The following TAF15 variants were observed in gnomAD, a reference collection of about 807,000 sequenced individuals.
The protein encoded by TAF15 is TATA-box binding protein associated factor 15.
TAF15 carries 37 observed loss-of-function variants against 102.5 expected under a neutral mutation model. The observed-to-expected ratio is 0.36, with a 90% confidence interval of 0.28 to 0.47. The LOEUF (loss-of-function observed/expected upper bound fraction) is 0.47, where lower values mean the gene tolerates loss of function less well. Ranked by LOEUF, TAF15 falls within the 20% of genes least tolerant of loss-of-function variation. TAF15 has a pLI of 0.99. For missense variants in TAF15, 652 were observed against 760.7 expected, an observed-to-expected ratio of 0.86 and a Z score of 1.68; for synonymous variants, 273 against 259.2, an observed-to-expected ratio of 1.05 and a Z score of -0.51.
intron 5 of TAF15, 144 bp from the exon 6 acceptor site, chr17:35,822,496 A>C (rs2087273377): frequency 1.4e-6 from 1 of 708,586 alleles, no homozygotes. Flanking sequence ...AGGAGACTGC[A>C]GATAACTAAT....
rs1348080121 is a variant in TAF15, at chr17:35,838,559, C to T, written c.913+6C>T. ...AGCCATTGACTGGTTTGATGGTATG[C>T]CTCATTCGTATAGTTTTCAGCATGA... is the stretch of plus-strand genomic sequence containing the variant. On this transcript the variant is annotated splice_donor_region_variant and intron_variant, in intron 11 of 15. Transcript: ENST00000605844. 1.2e-6 allele frequency: 2 copies of T among 1,613,966 alleles called. No individual in the cohort carries two copies. The highest frequency in any genetic ancestry group is 1.7e-6 in the Non-Finnish European group (2 of 1,180,010).
chr17:35,820,637 A>G (rs1200483172), intron 5 of TAF15, among the ~76,000 whole-genome samples, 200 bp downstream of exon 5: 1 of 152,104 alleles, frequency 6.6e-6, no homozygotes, highest in East Asian at 1.9e-4. Flanking sequence ...GTATTTGTGA[A>G]ATCATTGTTT....
chr17:35,837,398 TCCCACCTCAGCC>T (rs1355155508), intron 10 of TAF15, among the ~76,000 whole-genome samples: 8 of 150,484 alleles, frequency 5.3e-5, no homozygotes, highest in African/African-American at 2.0e-4. Flanking sequence ...CAAGTGATCC[TCCCACCTCAGCC>T]TCCCACCAAG....
At chr17:35,834,005 A>G (rs1370036957) in intron 8 of TAF15, 64 bp downstream of exon 8, 4 of 1,563,980 alleles carry the variant, frequency 2.6e-6, no homozygotes, top group Non-Finnish European at 3.5e-6. Context: ...AGCCACCAAT[A>G]TCCCGCAGAT....
intron 6 of TAF15, 119 bp downstream of exon 6, chr17:35,822,952 A>G: frequency 8.2e-7 from 1 of 1,218,972 alleles, no homozygotes. Context: ...GTAACCTTGA[A>G]GATATGTTCC....
At chr17:35,846,467 T>C (rs952384046) in intron 15 of TAF15, among the ~76,000 whole-genome samples, 7 of 152,232 alleles carry the variant, frequency 4.6e-5, no homozygotes, top group Admixed American at 3.9e-4. Flanking sequence ...TTCTAGTCCT[T>C]CTGTCATTCC....
chr17:35,835,738 A>T (rs1158443146), intron 9 of TAF15, among the ~76,000 whole-genome samples: 1 of 152,258 alleles, frequency 6.6e-6, no homozygotes, highest in African/African-American at 2.4e-5. Context: ...GATTTGGAGA[A>T]TTTTGTACTA....
chr17:35,842,260 A>T, intron 11 of TAF15, 107 bp from the exon 12 acceptor site: 1 of 789,878 alleles, frequency 1.3e-6, no homozygotes, highest in East Asian at 2.7e-5. Flanking sequence ...CTGTGAGGAC[A>T]TGTCAGTTAC....
At chr17:35,821,010 A>G (rs2087251682) in intron 5 of TAF15, among the ~76,000 whole-genome samples, 1 of 152,176 alleles carries the variant, frequency 6.6e-6, no homozygotes. Context: ...TGTGCTTTAC[A>G]TTCTGTGAAA....
chr17:35,815,555 A>G (rs1401773159), intron 1 of TAF15, among the ~76,000 whole-genome samples: 3 of 152,212 alleles, frequency 2.0e-5, no homozygotes, highest in African/African-American at 7.2e-5. Flanking sequence ...TACAGGACCT[A>G]TGTGCTGTAC....
chr17:35,826,148 T>C (rs2087322802), intron 7 of TAF15, among the ~76,000 whole-genome samples: 3 of 152,304 alleles, frequency 2.0e-5, no homozygotes, highest in South Asian at 4.1e-4. Flanking sequence ...TACTGACTTA[T>C]AAACTAAATT....
At chr17:35,813,632 T>TC (rs56678256) in intron 1 of TAF15, among the ~76,000 whole-genome samples, 4,075 of 108,214 alleles carry the variant, frequency 0.038, 118 homozygotes, top group Admixed American at 0.074. Flanking sequence ...CGAGACCCTG[T>TC]CCCCCCCCCC....
At chr17:35,834,033 CT>C in intron 8 of TAF15, 92 bp downstream of exon 8, 1 of 1,378,316 alleles carries the variant, frequency 7.3e-7, no homozygotes, top group Non-Finnish European at 1.0e-6. Context: ...AAAGTCCTTT[CT>C]TACTCTGTTG....
At chr17:35,845,306 G>T (rs926239647) in intron 15 of TAF15, among the ~76,000 whole-genome samples, 6 of 152,092 alleles carry the variant, frequency 3.9e-5, no homozygotes, top group African/African-American at 1.4e-4. Context: ...CCAGGCTAGA[G>T]TGCAGTGGTA....
intron 7 of TAF15, among the ~76,000 whole-genome samples, chr17:35,827,839 C>A (rs1330837617): frequency 6.6e-6 from 1 of 152,120 alleles, no homozygotes; most frequent in East Asian, 1.9e-4. Context: ...AAACCATCAG[C>A]TTTCCAAGTG....
chr17:35,831,036 A>G (rs183512122), intron 7 of TAF15, among the ~76,000 whole-genome samples: 179 of 152,284 alleles, frequency 1.2e-3, no homozygotes, highest in Non-Finnish European at 2.3e-3. Flanking sequence ...CCAGTGTACT[A>G]TGGTATTTCC....
At chr17:35,820,577 T>C in intron 5 of TAF15, 140 bp downstream of exon 5, 1 of 696,270 alleles carries the variant, frequency 1.4e-6, no homozygotes, top group South Asian at 1.8e-5. Flanking sequence ...ATTTTACAAC[T>C]GTATATTATG....
chr17:35,836,111 C>T, intron 9 of TAF15, 21 bp from the exon 10 acceptor site: 1 of 1,501,352 alleles, frequency 6.7e-7, no homozygotes, highest in African/African-American at 1.4e-5. Context: ...GTAAAATTAA[C>T]CATCACTTTT....
chr17:35,829,499 G>C (rs2087372116), intron 7 of TAF15, among the ~76,000 whole-genome samples: 1 of 150,968 alleles, frequency 6.6e-6, no homozygotes, highest in Non-Finnish European at 1.5e-5. Context: ...GGGCGTGGTG[G>C]CGGGCACTTG....
Sources: gnomAD v4.1 joint callset for allele counts (sites outside exome capture counted in the v4.1 genomes callset) on GRCh38, gnomAD v4.1.1 for gene constraint, MANE v1.5 for transcripts, NCBI Gene and HGNC (gene_info 2026-07-23, HGNC 2026-07-21) for gene names.